Variants in ARHGEF1 observed in about 807,000 individuals in gnomAD.
ARHGEF1 encodes the protein 115 kDa guanine nucleotide exchange factor.
In ARHGEF1, 40 loss-of-function variants were observed where a neutral mutation model predicts 119.7. That is an observed-to-expected ratio of 0.33 (90% confidence interval 0.26 to 0.44). The LOEUF is 0.44. Ranked by LOEUF, ARHGEF1 falls within the 20% of genes least tolerant of loss-of-function variation. The pLI, the probability that ARHGEF1 is intolerant of heterozygous loss-of-function variation, is 1.00. For synonymous variants in ARHGEF1, 494 were observed against 521.0 expected, an observed-to-expected ratio of 0.95 and a Z score of 0.71; for missense variants, 976 against 1,268.3, an observed-to-expected ratio of 0.77 and a Z score of 3.50.
intron 14 of ARHGEF1, among the ~76,000 whole-genome samples, chr19:41,899,114 T>C (rs2074558144): frequency 6.6e-6 from 1 of 152,136 alleles, no homozygotes; most frequent in South Asian, 2.1e-4. Context: ...CACCTCAGCC[T>C]CCCGAGTAGC....
rs782547158 is a variant in ARHGEF1, at chr19:41,906,750, TGGG to T, written c.2707_2709del (p.Gly903del). ...GCCTGAGACCCCTCCTGTCTCAGCT[TGGG>T]GGGAACTCTGTCCCCCAGCCTGGCT... On this transcript the variant is annotated inframe_deletion, in exon 28 of 29. Transcript: ENST00000354532. This position sits in a 1 kb window ranked among gnomAD's most constrained non-coding sequence, Gnocchi z 4.5. 6.2e-7 allele frequency: 1 copy of T among 1,611,668 alleles called. No individual in the cohort carries two copies. The highest frequency in any genetic ancestry group is 8.5e-7 in the Non-Finnish European group (1 of 1,179,104).
intron 1 of ARHGEF1, among the ~76,000 whole-genome samples, chr19:41,924,612 G>A (rs548349494): frequency 8.9e-4 from 135 of 152,270 alleles, no homozygotes; most frequent in African/African-American, 3.2e-3. Context: ...ACAAGCACCT[G>A]CTACTCAGAG....
downstream of ARHGEF1, chr19:41,908,295 C>G: frequency 1.6e-6 from 2 of 1,231,572 alleles, no homozygotes; most frequent in Admixed American, 4.2e-5. The surrounding 1 kb of genome is among the most constrained non-coding windows in gnomAD (Gnocchi z 6.7). Flanking sequence ...ATCGCCCTCG[C>G]TGTCAGAGCT....
chr19:41,891,172 C>G (rs1435561523), intron 4 of ARHGEF1, among the ~76,000 whole-genome samples: 7 of 152,230 alleles, frequency 4.6e-5, no homozygotes, highest in African/African-American at 1.7e-4. Context: ...TCAACACACA[C>G]AAACCCTTAA....
chr19:41,911,499 G>A (rs1374022156), downstream of ARHGEF1, among the ~76,000 whole-genome samples: 1 of 152,220 alleles, frequency 6.6e-6, no homozygotes. Flanking sequence ...CTGCACAGGT[G>A]GAAGGCAAGG....
rs1555849668 is a variant in ARHGEF1, at chr19:41,904,298, G to A, written c.2076G>A (p.Arg692=). 2 of 1,611,662 alleles carry A rather than the reference G, an allele frequency of 1.2e-6. No homozygotes were observed. The highest frequency in any genetic ancestry group is 2.2e-5 in the East Asian group (1 of 44,834). Residue 692 remains arginine, a synonymous_variant, in exon 22 of 29, where the codon CGG becomes CGA. Transcript: ENST00000354532. This position sits in a 1 kb window ranked among gnomAD's most constrained non-coding sequence, Gnocchi z 8.4. ...GGCTGCTGCTCAAGTCCCATAGCCG[G>A]ACACTGACGCCCACGCCCGATGGCA... ...DERLLLKSHS[R]TLTPTPDGKT...
rs144161994 is a variant in ARHGEF1 at position 41,905,460 on chromosome 19, G to A, written c.2336+199G>A. 5.8e-5 allele frequency: 36 copies of A among 617,218 alleles called. No individual in the cohort carries two copies. The East Asian group carries it at 9.6e-4, about 16-fold the overall frequency. 38.2% of individuals were successfully genotyped at this position (617,218 alleles called of 1,614,324 possible). On this transcript the variant is annotated intron_variant, in intron 24 of 28. Transcript: ENST00000354532. This position sits in a 1 kb window ranked among gnomAD's most constrained non-coding sequence, Gnocchi z 6.4. ...TGTGTGTATGCATGCATGTGTGCGT[G>A]TGCATGTGTGTGCGTGTATGGTGTG...
At position 41,906,672 on chromosome 19, in the gene ARHGEF1, C is replaced by A. The variant is rs782817699; in HGVS notation, c.2656-31C>A. On this transcript the variant is annotated intron_variant, in intron 27 of 28. Coordinates refer to ENST00000354532, the MANE Select transcript of ARHGEF1 (RefSeq NM_004706.4). This position sits in a 1 kb window ranked among gnomAD's most constrained non-coding sequence, Gnocchi z 4.5. ...CTGAGTGGGCTGGGGAAGGAAGGGGCCCCCCTCATCCATGACCCCCACCCC... is the reference window on the plus strand; with the variant it reads ...CTGAGTGGGCTGGGGAAGGAAGGGGACCCCCTCATCCATGACCCCCACCCC... 4.4e-6 allele frequency: 7 copies of A among 1,595,752 alleles called. No individual in the cohort carries two copies. The highest frequency in any genetic ancestry group is 4.1e-5 in the African/African-American group (3 of 73,634).
At position 41,902,376 on chromosome 19, in the gene ARHGEF1, C is replaced by T. The variant is rs190041681; in HGVS notation, c.1497+20C>T. The stretch of plus-strand genomic sequence containing the variant: ...GCCCGGGTGAGATGCCCAGCCCTCC[C>T]GCTCCTCCCAGCTAGACACATGGAA... On this transcript the variant is annotated intron_variant, in intron 16 of 28. Coordinates refer to ENST00000354532, the MANE Select transcript of ARHGEF1 (RefSeq NM_004706.4). This position sits in a 1 kb window ranked among gnomAD's most constrained non-coding sequence, Gnocchi z 6.5. 6.8e-3 allele frequency: 10,962 copies of T among 1,613,846 alleles called. 78 individuals are homozygous for T. The highest frequency in any genetic ancestry group is 0.021 in the South Asian group (1,957 of 91,046).
rs1424104844 is a variant in ARHGEF1 at position 41,901,953 on chromosome 19, C to T, written c.1334C>T (p.Pro445Leu). The T allele has an allele frequency of 6.2e-7, 1 of 1,613,850 alleles. No individual in the cohort carries two copies. Among genetic ancestry groups the T allele is most frequent in the Admixed American group, 1.7e-5 (1 of 60,004 alleles). Residue 445 changes from proline to leucine, a missense_variant, in exon 15 of 29, where the codon CCC becomes CTC. Physicochemically the swap from Pro to Leu is moderately conservative, Grantham distance 98. This residue lies in a region of ARHGEF1 where 286 missense variants were observed against 506.8 expected (regional missense o/e 0.56). Coordinates refer to ENST00000354532, the MANE Select transcript of ARHGEF1 (RefSeq NM_004706.4). ...GTGCTGCACGACCTCTTCTTCCAGC[C>T]CATGGCAGAATGCCTGTTCTTCCCC... ...LRVLHDLFFQPMAECLFFPLE... is the reference protein window; with the variant it reads ...LRVLHDLFFQLMAECLFFPLE...
rs782713344 is a variant in ARHGEF1, at chr19:41,903,684, T to C, written c.1840-23T>C. 3 of 1,610,680 alleles carry C rather than the reference T, an allele frequency of 1.9e-6. No homozygotes were observed. Among genetic ancestry groups the C allele is most frequent in the Admixed American group, 3.3e-5 (2 of 59,976 alleles). ...AGCCCCAGCACTTAGCTTGTCCCCA[T>C]AATGCTCCCGTCTCTGCCCCAGAGG... On this transcript the variant is annotated intron_variant, in intron 19 of 28. Transcript: ENST00000354532. This position sits in a 1 kb window ranked among gnomAD's most constrained non-coding sequence, Gnocchi z 4.2.
rs782506001 is a variant in ARHGEF1 at position 41,895,464 on chromosome 19, G to A, written c.993G>A (p.Leu331=). 6.2e-7 allele frequency: 1 copy of A among 1,608,740 alleles called. No individual in the cohort carries two copies. Among genetic ancestry groups the A allele is most frequent in the African/African-American group, 1.3e-5 (1 of 74,922 alleles). ...GAGTCTCTCTGCACCCTCTGTCCCT[G>A]GACAGCCCAGACCGGGAACCAGGTG... is the stretch of plus-strand genomic sequence containing the variant. ...TPGVSLHPLS[L]DSPDREPGAD... The change falls in exon 12 of 29, where the codon CTG becomes CTA. Residue 331 remains leucine (L), a synonymous_variant. Transcript: ENST00000354532.
At position 41,889,013 on chromosome 19, in the gene ARHGEF1, T is replaced by C; in HGVS notation, c.225+148T>C. On this transcript the variant is annotated intron_variant, in intron 4 of 28. Transcript: ENST00000354532. This position sits in a 1 kb window ranked among gnomAD's most constrained non-coding sequence, Gnocchi z 4.0. ...CCAGATCTAGAAAGAGAGAATGCTT[T>C]AGACAAGAGCCAGAAAGCATGCCAC... 1.5e-6 allele frequency: 1 copy of C among 686,914 alleles called. No homozygotes were observed. The highest frequency in any genetic ancestry group is 2.4e-6 in the Non-Finnish European group (1 of 416,022). The allele number at this position is 686,914 out of a possible 1,614,324, so 42.6% of individuals were successfully genotyped here. A position where few individuals can be genotyped will look rare whatever the true frequency, so the allele number is the denominator to read the frequency against.
In ARHGEF1 at chr19:41,904,901, C is replaced by A; in HGVS notation, c.2162-48C>A. ...CAGCTTGTGCTTAGGGAGGGGCAGG[C>A]ACTGGGGGGACCTGGGCTCTGAGCC... On this transcript the variant is annotated intron_variant, in intron 22 of 28. Transcript: ENST00000354532. This position sits in a 1 kb window ranked among gnomAD's most constrained non-coding sequence, Gnocchi z 8.4. 5 of 1,518,492 alleles carry A rather than the reference C, an allele frequency of 3.3e-6. No homozygotes were observed. Among genetic ancestry groups the A allele is most frequent in the Non-Finnish European group, 4.6e-6 (5 of 1,093,664 alleles). The allele number at this position is 1,518,492 out of a possible 1,614,324, so 94.1% of individuals were successfully genotyped here.
At chr19:41,890,402 T>C (rs1422086771) in intron 4 of ARHGEF1, 1 of 149,016 alleles carries the variant, frequency 6.7e-6, no homozygotes, top group Non-Finnish European at 1.5e-5. Context: ...ATCCCAGAAC[T>C]TTGGAGGCTG....
chr19:41,910,885 CAAG>C (rs1282885132), downstream of ARHGEF1, among the ~76,000 whole-genome samples: 3 of 152,296 alleles, frequency 2.0e-5, no homozygotes, highest in African/African-American at 7.2e-5. This position sits in a 1 kb window ranked among gnomAD's most constrained non-coding sequence, Gnocchi z 4.4. Context: ...GCGCAAGACT[CAAG>C]GTCACGTCAT....
chr19:41,897,948 T>C (rs781909695), intron 13 of ARHGEF1: 13 of 1,306,978 alleles, frequency 9.9e-6, no homozygotes, highest in Non-Finnish European at 1.3e-5. Context: ...GGGTCCAGGC[T>C]ATCAGGGCGT....
chr19:41,919,681 T>C (rs1208687388), upstream of ARHGEF1, among the ~76,000 whole-genome samples: 1 of 151,982 alleles, frequency 6.6e-6, no homozygotes, highest in African/African-American at 2.4e-5. Flanking sequence ...GCTGCGTCCT[T>C]CACACCCACA....
chr19:41,893,146 C>A, intron 7 of ARHGEF1, 128 bp from the exon 8 acceptor site: 1 of 1,320,264 alleles, frequency 7.6e-7, no homozygotes, highest in Non-Finnish European at 1.1e-6. Context: ...CCAATCCCTT[C>A]CACAGTGTCC....
Sources: allele counts gnomAD v4.1 joint callset (sites outside exome capture counted in the v4.1 genomes callset), GRCh38; gene constraint gnomAD v4.1.1; regional missense constraint gnomAD v4.1.1; non-coding constraint Gnocchi (gnomAD v3.1); transcripts MANE v1.5; gene names NCBI Gene and HGNC (gene_info 2026-07-23, HGNC 2026-07-21).